Variants in CADM2 observed in about 807,000 individuals in gnomAD.
CADM2 encodes the protein cell adhesion molecule 2.
CADM2 carries 12 observed loss-of-function variants against 49.8 expected under a neutral mutation model. The observed-to-expected ratio is 0.24, with a 90% CI of 0.15 to 0.39. The LOEUF (loss-of-function observed/expected upper bound fraction) is 0.39. Ranked by LOEUF, CADM2 falls within the 10% of genes least tolerant of loss-of-function variation. The pLI, the probability that CADM2 is intolerant of heterozygous loss-of-function variation, is 1.00. For missense variants in CADM2, 378 were observed against 492.3 expected (o/e 0.77, Z 2.20); for synonymous variants, 214 against 175.4 (o/e 1.22, Z -1.74).
chr3:85,710,151 A>G (rs1272929106), intron 1 of CADM2, among the ~76,000 whole-genome samples: 1 of 152,154 alleles, frequency 6.6e-6, no homozygotes, highest in African/African-American at 2.4e-5. Flanking sequence ...CAACAGAGCT[A>G]TGGAACACCA....
At chr3:85,231,699 T>G (rs1337905883) in intron 1 of CADM2, among the ~76,000 whole-genome samples, 1 of 149,344 alleles carries the variant, frequency 6.7e-6, no homozygotes, top group Non-Finnish European at 1.5e-5. Context: ...TATTATTAAG[T>G]TTCCTTTCTT....
At chr3:85,636,402 G>C (rs1387134911) in intron 1 of CADM2, among the ~76,000 whole-genome samples, 3 of 151,998 alleles carry the variant, frequency 2.0e-5, no homozygotes, top group Non-Finnish European at 4.4e-5. Flanking sequence ...TATAAAGAAA[G>C]AAAATAGTTT....
At chr3:85,181,972 GAAT>G (rs954345476) in intron 1 of CADM2, among the ~76,000 whole-genome samples, 9 of 148,942 alleles carry the variant, frequency 6.0e-5, no homozygotes, top group South Asian at 2.1e-4. Flanking sequence ...AATTTATATT[GAAT>G]AATATTTTAT....
intron 8 of CADM2, among the ~76,000 whole-genome samples, chr3:85,968,667 C>G (rs1418052560): frequency 6.6e-6 from 1 of 151,624 alleles, no homozygotes; most frequent in African/African-American, 2.4e-5. Flanking sequence ...AGGATAGAAT[C>G]TGTGGCACTC....
At chr3:85,902,439 A>G (rs1031320150) in intron 5 of CADM2, among the ~76,000 whole-genome samples, 27 of 152,014 alleles carry the variant, frequency 1.8e-4, no homozygotes, top group African/African-American at 6.3e-4. Flanking sequence ...TAGAAAGCAT[A>G]TATTTTTATC....
At chr3:85,909,755 G>A (rs1055897186) in intron 5 of CADM2, among the ~76,000 whole-genome samples, 1 of 152,168 alleles carries the variant, frequency 6.6e-6, no homozygotes, top group African/African-American at 2.4e-5. Context: ...AAGGATACAC[G>A]TGGTATCAGC....
intron 1 of CADM2, among the ~76,000 whole-genome samples, chr3:85,258,333 T>A (rs1035692147): frequency 2.2e-4 from 33 of 152,234 alleles, no homozygotes; most frequent in South Asian, 1.2e-3. Context: ...TGGTTTTCCC[T>A]ATTTTTTGTT....
intron 1 of CADM2, among the ~76,000 whole-genome samples, chr3:85,635,000 G>T (rs2064420819): frequency 6.6e-6 from 1 of 151,958 alleles, no homozygotes; most frequent in Admixed American, 6.6e-5. Context: ...CCTATGTGAT[G>T]GGAGTGCTGT....
At chr3:85,840,663 G>A (rs1046331479) in intron 3 of CADM2, among the ~76,000 whole-genome samples, 15 of 151,686 alleles carry the variant, frequency 9.9e-5, no homozygotes, top group Non-Finnish European at 1.5e-5. Flanking sequence ...TTGTGTTAGT[G>A]AACCCAACTG....
intron 1 of CADM2, among the ~76,000 whole-genome samples, chr3:85,281,710 T>C (rs2043503117): frequency 1.3e-5 from 2 of 152,128 alleles, no homozygotes; most frequent in Admixed American, 1.3e-4. Flanking sequence ...CTGCTAAATC[T>C]ATCTTAGAAA....
chr3:85,427,200 A>ATATATATATATATATATATT, intron 1 of CADM2, among the ~76,000 whole-genome samples: 1 of 126,622 alleles, frequency 7.9e-6, no homozygotes, highest in South Asian at 2.7e-4. Context: ...ATATATATAT[A>ATATATATATATATATATATT]TGTATAATAA....
intron 8 of CADM2, among the ~76,000 whole-genome samples, chr3:85,978,587 A>C (rs2108661460): frequency 6.6e-6 from 1 of 151,784 alleles, no homozygotes; most frequent in South Asian, 2.1e-4. Context: ...CATTAACCTC[A>C]TTTGTGAGAA....
At chr3:85,077,671 T>C (rs2037000158) in intron 1 of CADM2, among the ~76,000 whole-genome samples, 1 of 152,112 alleles carries the variant, frequency 6.6e-6, no homozygotes, top group East Asian at 1.9e-4. Flanking sequence ...TGCATGTTTT[T>C]ACATTAAACA....
chr3:85,546,488 G>C (rs1322858238), intron 1 of CADM2, among the ~76,000 whole-genome samples: 1 of 151,924 alleles, frequency 6.6e-6, no homozygotes, highest in Admixed American at 6.6e-5. Flanking sequence ...TTTCAAAGCT[G>C]ATCAGAAATA....
chr3:85,278,431 T>C (rs1432192434), intron 1 of CADM2, among the ~76,000 whole-genome samples: 1 of 151,470 alleles, frequency 6.6e-6, no homozygotes, highest in Non-Finnish European at 1.5e-5. Flanking sequence ...TTGGTAGTGT[T>C]TTCTTTAATA....
intron 1 of CADM2, among the ~76,000 whole-genome samples, chr3:85,437,705 T>C (rs2036996807): frequency 6.6e-6 from 1 of 152,034 alleles, no homozygotes. Flanking sequence ...AATAGGGCTG[T>C]GGAAATCCTT....
chr3:85,919,851 T>G (rs756643933), intron 6 of CADM2, among the ~76,000 whole-genome samples: 2 of 151,950 alleles, frequency 1.3e-5, no homozygotes, highest in Non-Finnish European at 2.9e-5. Flanking sequence ...TGATTTAAAA[T>G]AAAATTCTGA....
At chr3:85,041,754 C>T (rs2035452481) in intron 1 of CADM2, among the ~76,000 whole-genome samples, 1 of 152,124 alleles carries the variant, frequency 6.6e-6, no homozygotes, top group South Asian at 2.1e-4. Flanking sequence ...GGAGGTTTGT[C>T]ATCTTTGTCA....
At chr3:85,426,749 C>G (rs894012694) in intron 1 of CADM2, among the ~76,000 whole-genome samples, 1 of 152,014 alleles carries the variant, frequency 6.6e-6, no homozygotes, top group African/African-American at 2.4e-5. Context: ...ATAAAAATTT[C>G]CATATGTTTC....
Sources: allele counts gnomAD v4.1 joint callset (sites outside exome capture counted in the v4.1 genomes callset), GRCh38; gene constraint gnomAD v4.1.1; transcripts MANE v1.5; gene names NCBI Gene and HGNC (gene_info 2026-07-23, HGNC 2026-07-21).